CSMD3: variants seen among roughly 807,000 people sequenced by gnomAD.
The protein encoded by CSMD3 is CUB and Sushi multiple domains 3.
CSMD3 carries 177 observed loss-of-function variants against 435.2 expected under a neutral mutation model. That is an observed-to-expected ratio of 0.41 (90% CI 0.36 to 0.46). The LOEUF (loss-of-function observed/expected upper bound fraction) is 0.46. CSMD3 is among the 20% of genes least tolerant of loss of function. The pLI, the probability that CSMD3 is intolerant of heterozygous loss-of-function variation, is 0.34. For missense variants in CSMD3, 4,265 were observed against 4,504.6 expected (o/e 0.95, Z 1.52); for synonymous variants, 1,656 against 1,520.5 (o/e 1.09, Z -2.07).
intron 3 of CSMD3, among the ~76,000 whole-genome samples, chr8:113,221,001 A>ATTTCTTC (rs1344006016): frequency 6.6e-6 from 1 of 151,382 alleles, no homozygotes; most frequent in Non-Finnish European, 1.5e-5. Context: ...GGAATAAGAG[A>ATTTCTTC]AGTATGTTCT....
intron 13 of CSMD3, among the ~76,000 whole-genome samples, chr8:112,755,325 C>T (rs1000802060): frequency 1.3e-4 from 15 of 111,318 alleles, no homozygotes; most frequent in African/African-American, 3.1e-4. Flanking sequence ...AGGGAGACTC[C>T]GTCTCAAATA....
chr8:113,143,306 A>G (rs1016764687), intron 4 of CSMD3, among the ~76,000 whole-genome samples: 1 of 151,382 alleles, frequency 6.6e-6, no homozygotes, highest in Admixed American at 6.6e-5. Flanking sequence ...TAAAATAAAA[A>G]AACAGTAATG....
At chr8:112,697,839 G>T (rs1438392848) in intron 13 of CSMD3, among the ~76,000 whole-genome samples, 1 of 152,040 alleles carries the variant, frequency 6.6e-6, no homozygotes, top group East Asian at 1.9e-4. Context: ...TTTGGAGGTT[G>T]GAAAAGAGGT....
intron 4 of CSMD3, among the ~76,000 whole-genome samples, chr8:113,132,639 A>G (rs985823009): frequency 2.0e-5 from 3 of 152,154 alleles, no homozygotes; most frequent in African/African-American, 7.2e-5. Context: ...TTCTTCATAA[A>G]TTACTCATCC....
At chr8:112,418,568 C>A (rs985845568) in intron 32 of CSMD3, among the ~76,000 whole-genome samples, 18 of 151,966 alleles carry the variant, frequency 1.2e-4, no homozygotes, top group Non-Finnish European at 5.9e-5. Flanking sequence ...AAGATTATTA[C>A]AAGATGTGCA....
At chr8:112,981,238 A>G (rs2130963017) in intron 6 of CSMD3, among the ~76,000 whole-genome samples, 1 of 151,510 alleles carries the variant, frequency 6.6e-6, no homozygotes, top group South Asian at 2.1e-4. Context: ...TGAAATGACA[A>G]TGCAAAATTG....
At chr8:112,682,241 T>G (rs531482328) in intron 16 of CSMD3, among the ~76,000 whole-genome samples, 2 of 152,266 alleles carry the variant, frequency 1.3e-5, no homozygotes, top group Non-Finnish European at 2.9e-5. Flanking sequence ...AAAAGGAAGC[T>G]TCTAAAAGGT....
intron 64 of CSMD3, among the ~76,000 whole-genome samples, chr8:112,244,909 C>A (rs1304404514): frequency 6.6e-6 from 1 of 151,880 alleles, no homozygotes; most frequent in East Asian, 1.9e-4. Context: ...CAAAAACCAG[C>A]ATTTTAAAGG....
intron 32 of CSMD3, among the ~76,000 whole-genome samples, chr8:112,461,435 C>A (rs1313050025): frequency 1.3e-5 from 2 of 151,848 alleles, no homozygotes; most frequent in Non-Finnish European, 2.9e-5. Flanking sequence ...TAACTTTTTT[C>A]TTTTTATTAT....
At chr8:112,426,775 G>A (rs1375993615) in intron 32 of CSMD3, among the ~76,000 whole-genome samples, 1 of 152,026 alleles carries the variant, frequency 6.6e-6, no homozygotes, top group African/African-American at 2.4e-5. Flanking sequence ...TAGATTATTC[G>A]TGTATTCCAG....
intron 27 of CSMD3, among the ~76,000 whole-genome samples, chr8:112,526,812 C>T (rs900280854): frequency 6.6e-6 from 1 of 151,550 alleles, no homozygotes; most frequent in Non-Finnish European, 1.5e-5. Flanking sequence ...TGAAAACATG[C>T]CCCAAAGAAC....
intron 59 of CSMD3, among the ~76,000 whole-genome samples, chr8:112,269,417 G>T (rs1369060087): frequency 6.6e-6 from 1 of 152,112 alleles, no homozygotes; most frequent in Non-Finnish European, 1.5e-5. Flanking sequence ...GGATGTTGGG[G>T]GTTGGTCCTT....
chr8:112,225,076 C>G, intron 70 of CSMD3, 146 bp from the exon 71 acceptor site: 1 of 801,538 alleles, frequency 1.2e-6, no homozygotes, highest in East Asian at 2.5e-5. Flanking sequence ...TCAACTTGAA[C>G]AATTTCCTTG....
At chr8:112,927,941 A>G (rs2082965023) in intron 9 of CSMD3, among the ~76,000 whole-genome samples, 1 of 152,072 alleles carries the variant, frequency 6.6e-6, no homozygotes, top group Non-Finnish European at 1.5e-5. Flanking sequence ...CTCATTCAAT[A>G]TTTATGCCAA....
chr8:112,753,046 C>T (rs1466993735), intron 13 of CSMD3, among the ~76,000 whole-genome samples: 1 of 151,876 alleles, frequency 6.6e-6, no homozygotes, highest in Non-Finnish European at 1.5e-5. Context: ...CTGCCTCAGC[C>T]CCCTTAGTAG....
Position 112,703,059 on chromosome 8 carries a change from T to C in CSMD3, c.1973-13009A>G, listed in dbSNP as rs969271669. ...CACACAAAAAATTTAGCTAGCATCC[T>C]ACTGGTACTTGATTTTGTTATAATA... On this transcript the variant is annotated intron_variant, in intron 13 of 70. Transcript: ENST00000297405. Among the ~76,000 whole-genome samples, 15 of 152,306 alleles carry C rather than the reference T, an allele frequency of 9.8e-5. No homozygotes were observed. In the South Asian group the frequency reaches 1.4e-3, roughly 15 times the overall value.
intron 27 of CSMD3, among the ~76,000 whole-genome samples, chr8:112,524,160 T>C (rs939418495): frequency 6.6e-6 from 1 of 151,914 alleles, no homozygotes; most frequent in Non-Finnish European, 1.5e-5. Context: ...CATTGTATCA[T>C]ATCATATCAT....
chr8:112,518,222 C>T (rs955535710), intron 27 of CSMD3, among the ~76,000 whole-genome samples: 2 of 151,854 alleles, frequency 1.3e-5, no homozygotes, highest in Non-Finnish European at 2.9e-5. Context: ...AATTAGAGGC[C>T]AGGCATAGTG....
intron 9 of CSMD3, among the ~76,000 whole-genome samples, chr8:112,925,064 G>A (rs1196233496): frequency 6.6e-6 from 1 of 151,796 alleles, no homozygotes; most frequent in Non-Finnish European, 1.5e-5. Context: ...TTCTGGTGGG[G>A]GAAATTTATT....
Sources: gnomAD v4.1 joint callset for allele counts (sites outside exome capture counted in the v4.1 genomes callset) on GRCh38, gnomAD v4.1.1 for gene constraint, MANE v1.5 for transcripts, NCBI Gene and HGNC (gene_info 2026-07-23, HGNC 2026-07-21) for gene names.